BTBD9: variants seen among roughly 807,000 people sequenced by gnomAD.
BTBD9 encodes the protein BTB domain containing 9.
In BTBD9, 49 loss-of-function variants were observed where a neutral mutation model predicts 64.3. That is an observed-to-expected ratio of 0.76 (90% CI 0.61 to 0.97). The LOEUF (loss-of-function observed/expected upper bound fraction) is 0.97, where lower values mean the gene tolerates loss of function less well. Ranked by LOEUF, BTBD9 falls within the 50% of genes least tolerant of loss-of-function variation. The pLI is 0.00. For synonymous variants in BTBD9, 260 were observed against 274.7 expected, an observed-to-expected ratio of 0.95 and a Z score of 0.53; for missense variants, 598 against 762.1, an observed-to-expected ratio of 0.78 and a Z score of 2.53.
chr6:38,231,021 C>A (rs1763588301), intron 9 of BTBD9, among the ~76,000 whole-genome samples: 1 of 152,150 alleles, frequency 6.6e-6, no homozygotes, highest in African/African-American at 2.4e-5. Context: ...TTGTTCAATG[C>A]CTAAGACTTC....
intron 6 of BTBD9, among the ~76,000 whole-genome samples, chr6:38,499,450 A>G (rs1241597132): frequency 1.3e-5 from 2 of 152,220 alleles, no homozygotes; most frequent in Non-Finnish European, 2.9e-5. Context: ...ATTAATTGTC[A>G]AGCATTTAAT....
rs1362286717 is a variant in BTBD9 at position 38,171,591 on chromosome 6, TGTGTGTGTGTGTGA to T, written c.*3380_*3393del. ...GTGTGTGTGTGTGTGTGTGTGTGTG[TGTGTGTGTGTGTGA>T]GAGGGAGAGACGGTGGGGGCGGGGG... is the stretch of plus-strand genomic sequence containing the variant. On this transcript the variant is annotated 3_prime_UTR_variant, in exon 11 of 11. Transcript: ENST00000481247. 2.2e-5 allele frequency: 1 copy of T among 45,340 alleles called. No homozygotes were observed. Among genetic ancestry groups the T allele is most frequent in the Non-Finnish European group, 6.7e-5 (1 of 15,024 alleles). 2.8% of individuals were successfully genotyped at this position (45,340 alleles called of 1,614,324 possible).
At chr6:38,336,663 AC>A (rs1763905878) in intron 7 of BTBD9, among the ~76,000 whole-genome samples, 1 of 152,112 alleles carries the variant, frequency 6.6e-6, no homozygotes, top group South Asian at 2.1e-4. Flanking sequence ...GGATGGGGAT[AC>A]CGCCAAACCA....
chr6:38,406,726 C>T (rs1243612007), intron 6 of BTBD9, among the ~76,000 whole-genome samples: 2 of 152,112 alleles, frequency 1.3e-5, no homozygotes, highest in Admixed American at 6.6e-5. Context: ...GGACAAAGTA[C>T]TTTCTTATTA....
Position 38,585,547 on chromosome 6 carries a change from C to T in BTBD9, c.815-5110G>A, listed in dbSNP as rs1194994597. 5.3e-5 allele frequency among the ~76,000 whole-genome samples: 8 copies of T among 152,144 alleles called. No homozygotes were observed. In the East Asian group the frequency reaches 5.8e-4, roughly 11 times the overall value. On this transcript the variant is annotated intron_variant, in intron 4 of 10. Coordinates refer to ENST00000481247, the MANE Select transcript of BTBD9 (RefSeq NM_001099272.2). ...CTGATCTTGAACCCCTTGCCTCAAGCGGTCCTCCTGCCTTGGCCTCCCAAA... is the reference window on the plus strand; with the variant it reads ...CTGATCTTGAACCCCTTGCCTCAAGTGGTCCTCCTGCCTTGGCCTCCCAAA...
chr6:38,451,479 C>G (rs1165669306), intron 6 of BTBD9, among the ~76,000 whole-genome samples: 1 of 152,162 alleles, frequency 6.6e-6, no homozygotes, highest in Admixed American at 6.5e-5. Context: ...TTTTTACAAA[C>G]AGTTGTCTCA....
intron 6 of BTBD9, among the ~76,000 whole-genome samples, chr6:38,376,006 G>C (rs1411889423): frequency 1.3e-5 from 2 of 152,070 alleles, no homozygotes; most frequent in East Asian, 3.8e-4. Flanking sequence ...ATAAAACTAA[G>C]TCTGCTGTCT....
chr6:38,434,907 G>A lies in BTBD9; in HGVS notation c.1155-89814C>T, dbSNP rs537391762. Among the ~76,000 whole-genome samples, 2 of 151,870 alleles carry A rather than the reference G, an allele frequency of 1.3e-5. 1 individual carries two copies. The highest frequency in any genetic ancestry group is 4.8e-5 in the African/African-American group (2 of 41,260). On this transcript the variant is annotated intron_variant, in intron 6 of 10. Transcript: ENST00000481247. ...GTTCAAGTCCCTTATATGAAATGGTGTATTTGGCCGGGCACAGTGGCTCAC... is the reference window on the plus strand; with the variant it reads ...GTTCAAGTCCCTTATATGAAATGGTATATTTGGCCGGGCACAGTGGCTCAC...
intron 9 of BTBD9, among the ~76,000 whole-genome samples, chr6:38,236,554 A>C (rs1763782701): frequency 6.6e-6 from 1 of 152,242 alleles, no homozygotes; most frequent in African/African-American, 2.4e-5. Context: ...GGATATCTCC[A>C]TATAAAATTC....
chr6:38,222,485 T>A (rs1029429949), intron 9 of BTBD9, among the ~76,000 whole-genome samples: 1 of 151,998 alleles, frequency 6.6e-6, no homozygotes, highest in Admixed American at 6.6e-5. Flanking sequence ...GGTCTCGATC[T>A]CCTGACCTCG....
At chr6:38,344,907 A>G (rs1310643543) in intron 7 of BTBD9, 77 bp downstream of exon 7, 8 of 957,956 alleles carry the variant, frequency 8.4e-6, no homozygotes, top group Middle Eastern at 3.1e-4. Context: ...ACTGATTAAG[A>G]TAAGTTAAGA....
At chr6:38,397,052 C>G (rs558878072) in intron 6 of BTBD9, among the ~76,000 whole-genome samples, 1 of 151,740 alleles carries the variant, frequency 6.6e-6, no homozygotes, top group African/African-American at 2.4e-5. Flanking sequence ...CAGGTGTGCA[C>G]CACCCCACCT....
chr6:38,543,430 G>GT (rs1415477527), intron 6 of BTBD9, among the ~76,000 whole-genome samples: 2 of 152,198 alleles, frequency 1.3e-5, no homozygotes, highest in Non-Finnish European at 2.9e-5. Context: ...ACTTGCCACT[G>GT]TAATTCCAGT....
chr6:38,367,799 C>CAAAAAAAAAAAAAA (rs575025737), intron 6 of BTBD9, among the ~76,000 whole-genome samples: 4 of 84,332 alleles, frequency 4.7e-5, no homozygotes, highest in East Asian at 5.2e-4. Context: ...CCAGAAATGG[C>CAAAAAAAAAAAAAA]AAAAAAAAAA....
intron 9 of BTBD9, among the ~76,000 whole-genome samples, chr6:38,192,916 GA>G (rs1199651511): frequency 1.7e-5 from 2 of 116,514 alleles, no homozygotes; most frequent in East Asian, 6.3e-4. Context: ...GGGGTGGGGG[GA>G]GGGGGGAGGG....
At chr6:38,534,377 A>T (rs139824370) in intron 6 of BTBD9, among the ~76,000 whole-genome samples, 2,193 of 151,918 alleles carry the variant, frequency 0.014, 37 homozygotes, top group Middle Eastern at 0.044. Context: ...CCCATTAAAA[A>T]TTCTCCCAGC....
intron 1 of BTBD9, among the ~76,000 whole-genome samples, chr6:38,610,273 A>C (rs1280451796): frequency 6.6e-6 from 1 of 152,246 alleles, no homozygotes; most frequent in East Asian, 1.9e-4. Flanking sequence ...AACAGGAATC[A>C]GCCGCTGATA....
intron 1 of BTBD9, among the ~76,000 whole-genome samples, chr6:38,628,011 A>C (rs1199473043): frequency 6.6e-6 from 1 of 152,210 alleles, no homozygotes; most frequent in Non-Finnish European, 1.5e-5. Context: ...CATATATCCT[A>C]AAGTAAGGTG....
intron 7 of BTBD9, 37 bp downstream of exon 7, chr6:38,344,947 C>A: frequency 7.6e-7 from 1 of 1,308,608 alleles, no homozygotes; most frequent in South Asian, 1.3e-5. Context: ...GATAAAATAT[C>A]CAAATATACA....
Sources: allele counts gnomAD v4.1 joint callset (sites outside exome capture counted in the v4.1 genomes callset), GRCh38; gene constraint gnomAD v4.1.1; transcripts MANE v1.5; gene names NCBI Gene and HGNC (gene_info 2026-07-23, HGNC 2026-07-21).